Variants in ZNF461 observed in about 807,000 individuals in gnomAD.
ZNF461 encodes the protein zinc finger protein 461, also known as gonadotropin-inducible ovarian transcription factor-1.
A neutral mutation model predicts 18.3 loss-of-function variants in ZNF461; 16 were observed. That is an observed-to-expected ratio of 0.88 (90% CI 0.59 to 1.33). The LOEUF is 1.33. ZNF461 is among the 40% of genes most tolerant of loss of function. The pLI, the probability that ZNF461 is intolerant of heterozygous loss-of-function variation, is 0.00. For synonymous variants in ZNF461, 179 were observed against 216.9 expected (o/e 0.83, Z 1.54); for missense variants, 595 against 669.9 (o/e 0.89, Z 1.23).
At position 36,654,545 on chromosome 19, in the gene ZNF461, T is replaced by C. The variant is rs528575861; in HGVS notation, c.232+1903A>G. Among the ~76,000 whole-genome samples the C allele has an allele frequency of 5.3e-5, 8 of 151,946 alleles. No homozygotes were observed. The East Asian group carries it at 1.5e-3, about 29-fold the overall frequency. On this transcript the variant is annotated intron_variant, in intron 4 of 5. Transcript: ENST00000588268. Reference sequence around the variant, plus strand: ...ACCATGCTAGGCTAATTTTTTTTTTTCTTTTTGGTACAGACAGGGTCTCAC... The same window carrying C: ...ACCATGCTAGGCTAATTTTTTTTTTCCTTTTTGGTACAGACAGGGTCTCAC...
intron 4 of ZNF461, among the ~76,000 whole-genome samples, chr19:36,653,651 A>G (rs935047053): frequency 1.3e-5 from 2 of 152,170 alleles, no homozygotes; most frequent in Admixed American, 6.5e-5. Flanking sequence ...TTATAAAACC[A>G]TCAGATCTTG....
intron 4 of ZNF461, among the ~76,000 whole-genome samples, chr19:36,649,524 T>C (rs2037589191): frequency 6.6e-6 from 1 of 151,922 alleles, no homozygotes; most frequent in Non-Finnish European, 1.5e-5. Context: ...AGAGATGGGG[T>C]TTCACCATGT....
intron 3 of ZNF461, among the ~76,000 whole-genome samples, chr19:36,657,074 C>T (rs1019649252): frequency 4.6e-5 from 7 of 151,776 alleles, no homozygotes; most frequent in Non-Finnish European, 7.4e-5. Context: ...CTTGCCTCAG[C>T]GTCCCAAAGT....
At chr19:36,653,686 A>G (rs1436998866) in intron 4 of ZNF461, among the ~76,000 whole-genome samples, 1 of 152,188 alleles carries the variant, frequency 6.6e-6, no homozygotes, top group African/African-American at 2.4e-5. Flanking sequence ...TACCACGAGA[A>G]CAGTATGGGG....
rs1452665860 is a variant in ZNF461 at position 36,638,361 on chromosome 19, G to A, written c.*292C>T. The A allele has an allele frequency of 4.1e-6, 1 of 243,090 alleles. No homozygotes were observed. Among genetic ancestry groups the A allele is most frequent in the Non-Finnish European group, 7.9e-6 (1 of 126,352 alleles). 15.1% of individuals were successfully genotyped at this position (243,090 alleles called of 1,614,324 possible). A position where few individuals can be genotyped will look rare whatever the true frequency, so the allele number is the denominator to read the frequency against. On this transcript the variant is annotated 3_prime_UTR_variant, in exon 6 of 6. Coordinates refer to ENST00000588268, the MANE Select transcript of ZNF461 (RefSeq NM_153257.5). ...GAGATTTGAGGGAAGGGAGGAAATT[G>A]TTTTCATTTTATTTCACTGTTTCAG...
intron 5 of ZNF461, chr19:36,643,262 G>A (rs952584754): frequency 6.6e-6 from 1 of 152,116 alleles, no homozygotes; most frequent in Non-Finnish European, 1.5e-5. Flanking sequence ...GCCCTTCCCA[G>A]GTTTACCTTA....
At chr19:36,660,424 A>G (rs928634277) in intron 2 of ZNF461, among the ~76,000 whole-genome samples, 2 of 152,054 alleles carry the variant, frequency 1.3e-5, no homozygotes, top group East Asian at 3.9e-4. Context: ...TGCTGGGATT[A>G]CAGGCATGAG....
chr19:36,664,165 T>C (rs1245575049), intron 2 of ZNF461, among the ~76,000 whole-genome samples: 1 of 152,218 alleles, frequency 6.6e-6, no homozygotes, highest in Non-Finnish European at 1.5e-5. Flanking sequence ...TGAAGAATCA[T>C]TTATTCAACA....
At chr19:36,656,960 T>C (rs2037733028) in intron 3 of ZNF461, among the ~76,000 whole-genome samples, 1 of 151,796 alleles carries the variant, frequency 6.6e-6, no homozygotes, top group Non-Finnish European at 1.5e-5. Flanking sequence ...GCTGGGATTA[T>C]AGGCGCACAC....
chr19:36,653,186 T>C (rs2037659001), intron 4 of ZNF461, among the ~76,000 whole-genome samples: 1 of 152,062 alleles, frequency 6.6e-6, no homozygotes. Flanking sequence ...GGCAGCTCCT[T>C]GAAAAACTAA....
At chr19:36,648,682 T>G (rs184691428) in intron 4 of ZNF461, among the ~76,000 whole-genome samples, 169 of 152,146 alleles carry the variant, frequency 1.1e-3, no homozygotes, top group South Asian at 3.3e-3. Flanking sequence ...CAGGTTCAAG[T>G]GATTCTTGTG....
chr19:36,639,054 G>A lies in ZNF461; in HGVS notation c.1291C>T (p.His431Tyr), dbSNP rs2037358048. The change falls in exon 6 of 6, where the codon CAT (histidine) becomes TAT (tyrosine). Residue 431 changes from histidine (H) to tyrosine (Y), a missense_variant. Physicochemically the swap from His to Tyr is moderately conservative, Grantham distance 83. Transcript: ENST00000588268. ...AFCDGLQLTL[H>Y]QRIHTGEKPY... ...TTCTCACCAGTATGAATCCTCTGAT[G>A]TAGGGTTAGTTGTAAGCCATCACAA... The A allele has an allele frequency of 4.3e-6, 7 of 1,613,824 alleles. No homozygotes were observed. Among genetic ancestry groups the A allele is most frequent in the Non-Finnish European group, 5.9e-6 (7 of 1,180,006 alleles).
Position 36,639,363 on chromosome 19 carries a change from G to A in ZNF461, c.982C>T (p.Pro328Ser), listed in dbSNP as rs779232758. ...TTCCCACATTGCTTACATTCATAGG[G>A]TTTTTCACCAGTATGAAGTCTCTGA... ...QHQRLHTGEK[P>S]YECKQCGKAF... Residue 328 changes from proline to serine, a missense_variant, in exon 6 of 6, where the codon CCC becomes TCC. Coordinates refer to ENST00000588268, the MANE Select transcript of ZNF461 (RefSeq NM_153257.5). The A allele has an allele frequency of 6.2e-7, 1 of 1,613,982 alleles. No individual in the cohort carries two copies. The highest frequency in any genetic ancestry group is 1.1e-5 in the South Asian group (1 of 91,078).
intron 4 of ZNF461, among the ~76,000 whole-genome samples, chr19:36,655,578 G>A (rs1449061183): frequency 6.6e-6 from 1 of 152,188 alleles, no homozygotes; most frequent in Non-Finnish European, 1.5e-5. Flanking sequence ...CATCCAGCCT[G>A]AGTGACAGAG....
chr19:36,643,346 A>C (rs901418923), intron 5 of ZNF461: 2 of 152,166 alleles, frequency 1.3e-5, no homozygotes, highest in Non-Finnish European at 2.9e-5. Flanking sequence ...ATTTCCAATA[A>C]ATGGAATGAT....
At chr19:36,658,836 C>A (rs572063762) in intron 2 of ZNF461, among the ~76,000 whole-genome samples, 1 of 152,244 alleles carries the variant, frequency 6.6e-6, no homozygotes, top group Admixed American at 6.5e-5. Flanking sequence ...AGTTTTCCTG[C>A]AAATTCTTTA....
chr19:36,641,087 C>T (rs1168298326), intron 5 of ZNF461, among the ~76,000 whole-genome samples: 2 of 152,124 alleles, frequency 1.3e-5, no homozygotes, highest in East Asian at 1.9e-4. Flanking sequence ...ATCTTTTTGC[C>T]TAGATTTTTT....
chr19:36,649,514 A>G (rs921126755), intron 4 of ZNF461, among the ~76,000 whole-genome samples: 3 of 152,046 alleles, frequency 2.0e-5, no homozygotes, highest in African/African-American at 7.2e-5. Flanking sequence ...TATTTGTAGT[A>G]GAGATGGGGT....
At chr19:36,663,467 T>C (rs898188525) in intron 2 of ZNF461, among the ~76,000 whole-genome samples, 8 of 152,110 alleles carry the variant, frequency 5.3e-5, no homozygotes, top group Non-Finnish European at 7.4e-5. Context: ...CATTTGCATA[T>C]GTTAATAAGG....
Sources: gnomAD v4.1 joint callset for allele counts (sites outside exome capture counted in the v4.1 genomes callset) on GRCh38, gnomAD v4.1.1 for gene constraint, MANE v1.5 for transcripts, NCBI Gene and HGNC (gene_info 2026-07-23, HGNC 2026-07-21) for gene names.